Variants in DAAM1 observed in about 807,000 individuals in gnomAD.
DAAM1 encodes disheveled-associated activator of morphogenesis 1.
A neutral mutation model predicts 130.0 loss-of-function variants in DAAM1; 52 were observed. The ratio of observed to expected loss-of-function variants is 0.40; its 90% CI spans 0.32 to 0.50. The LOEUF is 0.50. Among genes scored for constraint, DAAM1 ranks in the 20% least tolerant of loss-of-function variants. The probability of loss-of-function intolerance (pLI) is 0.61; values close to 1 mark genes in which losing one functional copy is unlikely to be tolerated. For missense variants in DAAM1, 1,134 were observed against 1,303.8 expected (o/e 0.87, Z 2.01); for synonymous variants, 452 against 444.5 (o/e 1.02, Z -0.21).
intron 1 of DAAM1, among the ~76,000 whole-genome samples, chr14:59,203,789 C>T (rs560540960): frequency 3.9e-5 from 6 of 152,322 alleles, no homozygotes; most frequent in African/African-American, 1.4e-4. Context: ...TTGGTCACAA[C>T]GTGCTTTCAG....
At chr14:59,287,300 A>G (rs909362148) in intron 2 of DAAM1, among the ~76,000 whole-genome samples, 1 of 152,212 alleles carries the variant, frequency 6.6e-6, no homozygotes, top group Non-Finnish European at 1.5e-5. Flanking sequence ...AGCAAGAGCC[A>G]TCTATGACAA....
chr14:59,229,455 T>A (rs1889039253), intron 1 of DAAM1, among the ~76,000 whole-genome samples: 1 of 152,208 alleles, frequency 6.6e-6, no homozygotes, highest in African/African-American at 2.4e-5. Flanking sequence ...ATAATACCCT[T>A]GATTTATAAA....
chr14:59,346,998 G>A (rs952079557), intron 16 of DAAM1, among the ~76,000 whole-genome samples: 3 of 149,540 alleles, frequency 2.0e-5, no homozygotes, highest in Non-Finnish European at 3.0e-5. Flanking sequence ...CAAATCACTT[G>A]GCCATTCTGG....
chr14:59,232,939 G>C (rs967913580), intron 1 of DAAM1, among the ~76,000 whole-genome samples: 2 of 152,004 alleles, frequency 1.3e-5, no homozygotes, highest in African/African-American at 4.8e-5. Context: ...GATGGCTTCT[G>C]GCTTCATCCA....
chr14:59,330,642 A>G lies in DAAM1; in HGVS notation c.1514A>G (p.Lys505Arg). 1.2e-6 allele frequency: 2 copies of G among 1,614,022 alleles called. No individual in the cohort carries two copies. The highest frequency in any genetic ancestry group is 1.1e-5 in the South Asian group (1 of 91,068). ...EKETTEHKQV[K>R]QQVADLTAQL... ...GAGACTACTGAGCATAAGCAAGTCA[A>G]GCAGCAGGTGGCGGACCTCACAGCA... Residue 505 changes from lysine (K) to arginine (R), a missense_variant, in exon 13 of 25, where the codon AAG (lysine) becomes AGG (arginine). Lys to Arg is a conservative substitution (Grantham distance 26). Coordinates refer to ENST00000360909, the MANE Select transcript of DAAM1 (RefSeq NM_001270520.2).
intron 3 of DAAM1, among the ~76,000 whole-genome samples, chr14:59,312,687 C>A (rs949797617): frequency 1.3e-5 from 2 of 152,114 alleles, no homozygotes; most frequent in Non-Finnish European, 2.9e-5. Flanking sequence ...TTTTACTAGC[C>A]ACTGACCAGA....
At chr14:59,308,838 G>T (rs1252444762) in intron 3 of DAAM1, among the ~76,000 whole-genome samples, 1 of 152,212 alleles carries the variant, frequency 6.6e-6, no homozygotes, top group Non-Finnish European at 1.5e-5. Context: ...GACATTCTGA[G>T]GCTTAGGAGG....
chr14:59,326,062 T>A lies in DAAM1; in HGVS notation c.1159T>A (p.Cys387Ser), dbSNP rs1272738128. The change falls in exon 10 of 25, where the codon TGC (cysteine) becomes AGC (serine). Residue 387 changes from cysteine to serine, a missense_variant. Coordinates refer to ENST00000360909, the MANE Select transcript of DAAM1 (RefSeq NM_001270520.2). ...YPHFMSILHH[C>S]LQMPYKRSGN... is the part of the protein sequence containing the mutation. Reference sequence around the variant, plus strand: ...GCATTTCATGTCCATCCTGCACCACTGCCTCCAAATGCCTTGTAAGTGTGT... The same window carrying A: ...GCATTTCATGTCCATCCTGCACCACAGCCTCCAAATGCCTTGTAAGTGTGT... 1.2e-6 allele frequency: 2 copies of A among 1,613,942 alleles called. No homozygotes were observed. The highest frequency in any genetic ancestry group is 2.7e-5 in the African/African-American group (2 of 74,948).
chr14:59,332,645 C>T (rs904655657), intron 15 of DAAM1, among the ~76,000 whole-genome samples: 2 of 152,116 alleles, frequency 1.3e-5, no homozygotes, highest in African/African-American at 4.8e-5. Flanking sequence ...AAGAGGGCAT[C>T]GTGATACAGC....
At chr14:59,189,454 C>A (rs1332149800) in intron 1 of DAAM1, among the ~76,000 whole-genome samples, 1 of 152,092 alleles carries the variant, frequency 6.6e-6, no homozygotes, top group Admixed American at 6.5e-5. Context: ...GCCTGCGGAC[C>A]CGGTTGTGAG....
At chr14:59,201,251 C>T (rs923615861) in intron 1 of DAAM1, among the ~76,000 whole-genome samples, 7 of 150,610 alleles carry the variant, frequency 4.6e-5, no homozygotes, top group African/African-American at 9.8e-5. Context: ...ATCTTGGGTT[C>T]GGGAAATGTA....
chr14:59,291,882 A>C (rs1383582539), intron 3 of DAAM1, among the ~76,000 whole-genome samples: 1 of 152,146 alleles, frequency 6.6e-6, no homozygotes, highest in East Asian at 1.9e-4. Context: ...AAAGGACTAA[A>C]GTCTTTATTC....
intron 1 of DAAM1, among the ~76,000 whole-genome samples, chr14:59,196,773 A>G (rs1887909502): frequency 6.6e-6 from 1 of 152,084 alleles, no homozygotes; most frequent in Non-Finnish European, 1.5e-5. Flanking sequence ...ACAAAAAAAC[A>G]AAACCCACAA....
chr14:59,353,852 A>G (rs1303334378), intron 18 of DAAM1, 24 bp from the exon 19 acceptor site: 8 of 1,607,382 alleles, frequency 5.0e-6, no homozygotes, highest in Admixed American at 3.3e-5. Flanking sequence ...ATGAATATCA[A>G]TTAGTACATG....
At chr14:59,217,291 T>C (rs1353337158) in intron 1 of DAAM1, among the ~76,000 whole-genome samples, 1 of 152,192 alleles carries the variant, frequency 6.6e-6, no homozygotes, top group African/African-American at 2.4e-5. Flanking sequence ...ATTTAGAATT[T>C]ATCAAGCACC....
chr14:59,286,430 A>C (rs889506255), intron 2 of DAAM1, among the ~76,000 whole-genome samples: 4 of 152,158 alleles, frequency 2.6e-5, no homozygotes, highest in Non-Finnish European at 5.9e-5. Context: ...CCAAAATCAG[A>C]GCTAAACTGA....
intron 1 of DAAM1, 73 bp from the exon 2 acceptor site, chr14:59,263,368 A>T: frequency 7.6e-7 from 1 of 1,318,914 alleles, no homozygotes; most frequent in Non-Finnish European, 1.1e-6. Context: ...CTCTTTCTTG[A>T]GTTGGTCTGG....
intron 16 of DAAM1, among the ~76,000 whole-genome samples, chr14:59,345,043 C>G (rs1334352829): frequency 3.9e-5 from 6 of 152,046 alleles, no homozygotes; most frequent in Non-Finnish European, 8.8e-5. Flanking sequence ...TCAGCCCTCC[C>G]TATTGTTACT....
rs565763783 is a variant in DAAM1, at chr14:59,272,751, G to T, written c.183+9091G>T. 7.9e-5 allele frequency among the ~76,000 whole-genome samples: 12 copies of T among 152,218 alleles called. No individual in the cohort carries two copies. The South Asian group carries it at 2.3e-3, about 29-fold the overall frequency. ...ACTTGATGCTGTAGGAAAATGCTCA[G>T]AACAGTGTGAAGATATGCAATATAT... On this transcript the variant is annotated intron_variant, in intron 2 of 24. Coordinates refer to ENST00000360909, the MANE Select transcript of DAAM1 (RefSeq NM_001270520.2).
Sources: allele counts gnomAD v4.1 joint callset (sites outside exome capture counted in the v4.1 genomes callset), GRCh38; gene constraint gnomAD v4.1.1; transcripts MANE v1.5; gene names NCBI Gene and HGNC (gene_info 2026-07-23, HGNC 2026-07-21).